The following UBL3 variants were observed in gnomAD, a reference collection of about 807,000 sequenced individuals.
UBL3 encodes the protein ubiquitin like 3.
UBL3 carries 6 observed loss-of-function variants against 18.4 expected under a neutral mutation model. The observed-to-expected ratio is 0.33, with a 90% CI of 0.18 to 0.64. The LOEUF is 0.64. Among genes scored for constraint, UBL3 ranks in the 30% least tolerant of loss-of-function variants. The pLI is 0.76. For synonymous variants in UBL3, 49 were observed against 46.6 expected (o/e 1.05, Z -0.21); for missense variants, 109 against 142.9 (o/e 0.76, Z 1.21).
chr13:29,798,378 T>C (rs906019589), intron 1 of UBL3, among the ~76,000 whole-genome samples: 1 of 152,026 alleles, frequency 6.6e-6, no homozygotes, highest in Non-Finnish European at 1.5e-5. Context: ...CTGATTGTCC[T>C]CCCTAAAGTA....
intron 1 of UBL3, among the ~76,000 whole-genome samples, chr13:29,800,057 T>C (rs2139331785): frequency 6.6e-6 from 1 of 152,288 alleles, no homozygotes; most frequent in Non-Finnish European, 1.5e-5. Context: ...TATACTAACA[T>C]CCAAAGGTTT....
intron 1 of UBL3, among the ~76,000 whole-genome samples, chr13:29,787,573 A>G (rs1565991839): frequency 6.6e-6 from 1 of 152,184 alleles, no homozygotes; most frequent in African/African-American, 2.4e-5. Flanking sequence ...GTATCACTTT[A>G]AAACCTGACT....
chr13:29,771,205 T>A (rs898199158), intron 3 of UBL3, among the ~76,000 whole-genome samples: 1 of 152,050 alleles, frequency 6.6e-6, no homozygotes, highest in Non-Finnish European at 1.5e-5. Flanking sequence ...GATTAAATAT[T>A]AGGTTTAGAG....
intron 1 of UBL3, among the ~76,000 whole-genome samples, chr13:29,778,920 T>C (rs1877072841): frequency 6.6e-6 from 1 of 152,200 alleles, no homozygotes; most frequent in Admixed American, 6.5e-5. Flanking sequence ...AAAAGTTTTT[T>C]AGAAGATAAA....
intron 1 of UBL3, among the ~76,000 whole-genome samples, chr13:29,847,869 T>C (rs1555235534): frequency 6.6e-6 from 1 of 152,134 alleles, no homozygotes. Flanking sequence ...CAGCCGTACT[T>C]AACCAGGCAG....
At chr13:29,836,311 G>C (rs1369260241) in intron 1 of UBL3, among the ~76,000 whole-genome samples, 2 of 151,754 alleles carry the variant, frequency 1.3e-5, no homozygotes, top group African/African-American at 4.8e-5. Flanking sequence ...AAAAGAGAGA[G>C]AGGACTGCCA....
At chr13:29,789,609 G>A (rs1255271331) in intron 1 of UBL3, among the ~76,000 whole-genome samples, 2 of 152,218 alleles carry the variant, frequency 1.3e-5, no homozygotes, top group African/African-American at 4.8e-5. Context: ...TAGCTCTACA[G>A]TACTCTGGGT....
In UBL3 at chr13:29,787,312, A is replaced by G. The variant is rs551133305; in HGVS notation, c.28-10049T>C. ...TCCCTAATAGTTAGATATTATCACA[A>G]ATTATCATCATTATATCCATCATCA... On this transcript the variant is annotated intron_variant, in intron 1 of 4. Coordinates refer to ENST00000380680, the MANE Select transcript of UBL3 (RefSeq NM_007106.4). 2.6e-5 allele frequency among the ~76,000 whole-genome samples: 4 copies of G among 152,292 alleles called. No homozygotes were observed. The East Asian group carries it at 5.8e-4, about 22-fold the overall frequency.
At chr13:29,844,084 T>C (rs1203909234) in intron 1 of UBL3, among the ~76,000 whole-genome samples, 1 of 152,186 alleles carries the variant, frequency 6.6e-6, no homozygotes, top group Non-Finnish European at 1.5e-5. Context: ...AGGGACTATA[T>C]AACAGAAAAA....
intron 1 of UBL3, among the ~76,000 whole-genome samples, chr13:29,845,404 A>G (rs73448217): frequency 0.019 from 2,844 of 152,204 alleles, 86 homozygotes; most frequent in African/African-American, 0.065. Context: ...TAAACCTGAA[A>G]TAAGAATCAT....
rs1480676280 is a variant in UBL3 at position 29,764,432 on chromosome 13, TTTC to T, written c.*2820_*2822del. The T allele has an allele frequency of 6.6e-6, 1 of 152,224 alleles. No individual in the cohort carries two copies. Among genetic ancestry groups the T allele is most frequent in the Non-Finnish European group, 1.5e-5 (1 of 68,040 alleles). 9.4% of individuals were successfully genotyped at this position (152,224 alleles called of 1,614,324 possible). A position where few individuals can be genotyped will look rare whatever the true frequency, so the allele number is the denominator to read the frequency against. ...CTACAACAGATGAAGAAAGTTTTAA[TTTC>T]TTTTCACATTAAACATTGTTTACCA... On this transcript the variant is annotated 3_prime_UTR_variant, in exon 5 of 5. Coordinates refer to ENST00000380680, the MANE Select transcript of UBL3 (RefSeq NM_007106.4).
intron 1 of UBL3, among the ~76,000 whole-genome samples, chr13:29,795,168 C>A (rs1877577157): frequency 6.6e-6 from 1 of 152,138 alleles, no homozygotes; most frequent in Non-Finnish European, 1.5e-5. Context: ...CAAGGGATAA[C>A]TCTACTACTG....
At chr13:29,802,056 C>T (rs1565994658) in intron 1 of UBL3, among the ~76,000 whole-genome samples, 1 of 152,204 alleles carries the variant, frequency 6.6e-6, no homozygotes. Context: ...CCCACACTTT[C>T]AGAGCAGGGA....
intron 1 of UBL3, among the ~76,000 whole-genome samples, chr13:29,780,560 C>T (rs1432348440): frequency 6.6e-6 from 1 of 151,376 alleles, no homozygotes; most frequent in Non-Finnish European, 1.5e-5. Flanking sequence ...TTACTTGGAT[C>T]TAAAAACATC....
chr13:29,767,318 C>G lies in UBL3; in HGVS notation c.302-11G>C. The G allele has an allele frequency of 6.2e-7, 1 of 1,612,794 alleles. No homozygotes were observed. The highest frequency in any genetic ancestry group is 8.5e-7 in the Non-Finnish European group (1 of 1,179,230). ...CACGATTCCTCTGACCTAGGGAAAA[C>G]GAAGAAGAGCCTCGTTTATAAAAAT... is the stretch of plus-strand genomic sequence containing the variant. On this transcript the variant is annotated splice_polypyrimidine_tract_variant and intron_variant, in intron 4 of 4. Coordinates refer to ENST00000380680, the MANE Select transcript of UBL3 (RefSeq NM_007106.4).
intron 1 of UBL3, among the ~76,000 whole-genome samples, chr13:29,821,465 T>C (rs1448890709): frequency 6.6e-6 from 1 of 152,234 alleles, no homozygotes; most frequent in African/African-American, 2.4e-5. Context: ...AAGCCAGATG[T>C]AATACCTTTT....
At chr13:29,787,344 T>C (rs1326982982) in intron 1 of UBL3, among the ~76,000 whole-genome samples, 1 of 152,206 alleles carries the variant, frequency 6.6e-6, no homozygotes. Flanking sequence ...ATCAGTTTAG[T>C]AAATCACATA....
intron 1 of UBL3, among the ~76,000 whole-genome samples, chr13:29,800,990 G>A (rs970899559): frequency 2.0e-5 from 3 of 152,172 alleles, no homozygotes; most frequent in Non-Finnish European, 4.4e-5. Context: ...TAGGGACAGG[G>A]TGCCTCTCAA....
intron 1 of UBL3, among the ~76,000 whole-genome samples, chr13:29,780,369 T>TAC (rs1309623590): frequency 2.3e-5 from 2 of 88,776 alleles, no homozygotes; most frequent in Non-Finnish European, 4.1e-5. Context: ...AAAAAAAAAA[T>TAC]ATATATATAT....
Sources: allele counts gnomAD v4.1 joint callset (sites outside exome capture counted in the v4.1 genomes callset), GRCh38; gene constraint gnomAD v4.1.1; transcripts MANE v1.5; gene names NCBI Gene and HGNC (gene_info 2026-07-23, HGNC 2026-07-21).